FBXW11: variants seen among roughly 807,000 people sequenced by gnomAD.
The protein encoded by FBXW11 is F-box and WD repeat domain containing 11, also known as F-box/WD repeat-containing protein 11.
FBXW11 carries 19 observed loss-of-function variants against 77.6 expected under a neutral mutation model. The ratio of observed to expected loss-of-function variants is 0.24; its 90% CI spans 0.17 to 0.36. FBXW11 has a LOEUF of 0.36. Ranked by LOEUF, FBXW11 falls within the 10% of genes least tolerant of loss-of-function variation. FBXW11 has a pLI of 1.00. For synonymous variants in FBXW11, 235 were observed against 249.4 expected (o/e 0.94, Z 0.54); for missense variants, 334 against 704.2 (o/e 0.47, Z 5.95).
Position 171,982,178 on chromosome 5 carries a change from C to G in FBXW11, c.45+24280G>C, listed in dbSNP as rs1389445613. 2.0e-5 allele frequency among the ~76,000 whole-genome samples: 3 copies of G among 152,086 alleles called. No homozygotes were observed. In the East Asian group the frequency reaches 5.8e-4, roughly 29 times the overall value. ...TTATTGAATGTAAACCATAATAAAG[C>G]TGATTAAATAAAAAACAGAAACCAC... On this transcript the variant is annotated intron_variant, in intron 1 of 13. Coordinates refer to ENST00000517395, the MANE Select transcript of FBXW11 (RefSeq NM_001378974.1).
chr5:171,870,661 G>T, intron 11 of FBXW11, 87 bp downstream of exon 11: 1 of 953,382 alleles, frequency 1.0e-6, no homozygotes, highest in African/African-American at 1.6e-5. Flanking sequence ...CATAGGACCT[G>T]GTACATACAG....
intron 8 of FBXW11, 62 bp downstream of exon 8, chr5:171,877,949 T>A: frequency 8.3e-7 from 1 of 1,202,234 alleles, no homozygotes. Context: ...GAGGAGGATG[T>A]CAATCTCAGA....
chr5:171,968,391 G>A (rs1027172521), intron 1 of FBXW11, among the ~76,000 whole-genome samples: 1 of 150,974 alleles, frequency 6.6e-6, no homozygotes, highest in Non-Finnish European at 1.5e-5. Context: ...CCGGGAGGCG[G>A]AGCTTGCAGT....
intron 1 of FBXW11, among the ~76,000 whole-genome samples, chr5:171,974,237 C>T (rs957117448): frequency 6.6e-6 from 1 of 152,008 alleles, no homozygotes; most frequent in African/African-American, 2.4e-5. Flanking sequence ...GAGTTTGAGA[C>T]CAGCCTGACC....
At chr5:171,886,712 TATAAAA>T (rs1382544156) in intron 7 of FBXW11, among the ~76,000 whole-genome samples, 1 of 152,026 alleles carries the variant, frequency 6.6e-6, no homozygotes, top group African/African-American at 2.4e-5. Context: ...ATCAAGTATA[TATAAAA>T]ATAGAGTTCG....
chr5:171,949,255 G>A (rs760153987), intron 2 of FBXW11, among the ~76,000 whole-genome samples: 3 of 152,086 alleles, frequency 2.0e-5, no homozygotes, highest in African/African-American at 4.8e-5. Flanking sequence ...AGAAGGCTTC[G>A]GTGACTTCAC....
chr5:171,894,894 G>T (rs1487023888), intron 6 of FBXW11, among the ~76,000 whole-genome samples: 1 of 152,098 alleles, frequency 6.6e-6, no homozygotes, highest in Non-Finnish European at 1.5e-5. Context: ...GCCAGCAAAT[G>T]GTAGCAGTTA....
At chr5:172,001,418 T>C (rs1219936691) in intron 1 of FBXW11, among the ~76,000 whole-genome samples, 1 of 152,098 alleles carries the variant, frequency 6.6e-6, no homozygotes, top group Non-Finnish European at 1.5e-5. Flanking sequence ...CAAAAGGCAA[T>C]AATGTCTGAA....
intron 1 of FBXW11, among the ~76,000 whole-genome samples, chr5:171,974,151 T>A (rs1014836347): frequency 1.3e-5 from 2 of 152,008 alleles, no homozygotes; most frequent in African/African-American, 4.8e-5. Context: ...TGTAAAAACA[T>A]AGGTCAGGCA....
Position 171,876,623 on chromosome 5 carries a change from G to A in FBXW11, c.972-89C>T. ...CTGAGCTCTGTCTGGGTCTGCAATG[G>A]TTTGGATATAGTTTGTCTGACTCTA... On this transcript the variant is annotated intron_variant, in intron 8 of 13. Transcript: ENST00000517395. The surrounding 1 kb of genome is among the most constrained non-coding windows in gnomAD (Gnocchi z 4.2). The A allele has an allele frequency of 6.7e-7, 1 of 1,501,912 alleles. No homozygotes were observed. Among genetic ancestry groups the A allele is most frequent in the Non-Finnish European group, 9.1e-7 (1 of 1,100,804 alleles). The allele number at this position is 1,501,912 out of a possible 1,614,324, so 93.0% of individuals were successfully genotyped here. A position where few individuals can be genotyped will look rare whatever the true frequency, so the allele number is the denominator to read the frequency against.
chr5:171,921,019 A>G (rs546905641), intron 2 of FBXW11, among the ~76,000 whole-genome samples: 1 of 152,238 alleles, frequency 6.6e-6, no homozygotes, highest in East Asian at 1.9e-4. Context: ...AAACTTGTCA[A>G]GATGTTTTCA....
chr5:171,957,155 C>T (rs1763656037), intron 2 of FBXW11, among the ~76,000 whole-genome samples: 1 of 152,178 alleles, frequency 6.6e-6, no homozygotes, highest in Admixed American at 6.5e-5. Context: ...TAGTGATTCC[C>T]TCCCCGCTCC....
chr5:171,890,487 C>CAAAA (rs5873290), intron 7 of FBXW11, among the ~76,000 whole-genome samples: 1 of 126,470 alleles, frequency 7.9e-6, no homozygotes, highest in Non-Finnish European at 1.6e-5. Context: ...GACTCCGTCT[C>CAAAA]AAAAAAAAAA....
intron 3 of FBXW11, 151 bp downstream of exon 3, chr5:171,914,192 G>A (rs992958308): frequency 1.6e-6 from 1 of 641,272 alleles, no homozygotes; most frequent in African/African-American, 1.9e-5. Context: ...CCTATGGAAT[G>A]AAGATAAATT....
intron 4 of FBXW11, among the ~76,000 whole-genome samples, chr5:171,909,132 G>GA (rs1224569007): frequency 6.6e-6 from 1 of 152,012 alleles, no homozygotes; most frequent in Non-Finnish European, 1.5e-5. Flanking sequence ...TATAGAAACA[G>GA]AAAAAAATTC....
Position 171,981,097 on chromosome 5 carries a change from GATTAATCATTA to G in FBXW11, c.46-23410_46-23400del, listed in dbSNP as rs1455204511. On this transcript the variant is annotated intron_variant, in intron 1 of 13. Coordinates refer to ENST00000517395, the MANE Select transcript of FBXW11 (RefSeq NM_001378974.1). ...ATTGAGTTAATCACCAATGCCCAAT[GATTAATCATTA>G]ATTAATCATTAATCATTCCTAGGTA... Among the ~76,000 whole-genome samples, 4 of 151,872 alleles carry G rather than the reference GATTAATCATTA, an allele frequency of 2.6e-5. No individual in the cohort carries two copies. In the South Asian group the frequency reaches 6.3e-4, roughly 24 times the overall value.
At chr5:171,984,677 A>G (rs965647302) in intron 1 of FBXW11, among the ~76,000 whole-genome samples, 1 of 152,218 alleles carries the variant, frequency 6.6e-6, no homozygotes, top group Non-Finnish European at 1.5e-5. Context: ...CGATTGTAGG[A>G]AAATTAAATA....
At chr5:171,888,007 A>C (rs762816555) in intron 7 of FBXW11, among the ~76,000 whole-genome samples, 9 of 152,074 alleles carry the variant, frequency 5.9e-5, no homozygotes, top group African/African-American at 2.4e-5. Flanking sequence ...CAGGCCCTTG[A>C]CCAGGAAGCT....
intron 1 of FBXW11, among the ~76,000 whole-genome samples, chr5:171,979,779 A>G (rs1329112626): frequency 2.0e-5 from 3 of 152,238 alleles, no homozygotes; most frequent in Non-Finnish European, 2.9e-5. Context: ...CCATTTTTCT[A>G]TTTTCTGCAG....
Sources: gnomAD v4.1 joint callset for allele counts (sites outside exome capture counted in the v4.1 genomes callset) on GRCh38, gnomAD v4.1.1 for gene constraint, Gnocchi (gnomAD v3.1) non-coding constraint, MANE v1.5 for transcripts, NCBI Gene and HGNC (gene_info 2026-07-23, HGNC 2026-07-21) for gene names.